EPB41L4B: variants seen among roughly 807,000 people sequenced by gnomAD.
The protein encoded by EPB41L4B is band 4.1-like protein 4B.
A neutral mutation model predicts 112.5 loss-of-function variants in EPB41L4B; 30 were observed. That is an observed-to-expected ratio of 0.27 (90% CI 0.20 to 0.36). The LOEUF is 0.36. Ranked by LOEUF, EPB41L4B falls within the 10% of genes least tolerant of loss-of-function variation. EPB41L4B has a pLI of 1.00. For missense variants in EPB41L4B, 1,024 were observed against 1,133.3 expected (o/e 0.90, Z 1.38); for synonymous variants, 408 against 439.7 (o/e 0.93, Z 0.90).
chr9:109,212,080 G>A (rs1013185175), intron 17 of EPB41L4B, among the ~76,000 whole-genome samples: 1 of 152,034 alleles, frequency 6.6e-6, no homozygotes, highest in Admixed American at 6.6e-5. Flanking sequence ...GGAAATGCTC[G>A]ATAACCCACA....
chr9:109,188,482 A>G (rs1447573433), intron 22 of EPB41L4B, among the ~76,000 whole-genome samples: 1 of 152,176 alleles, frequency 6.6e-6, no homozygotes, highest in African/African-American at 2.4e-5. Flanking sequence ...GCCACGAAAG[A>G]ACCAAAGAGA....
chr9:109,315,710 CA>C, intron 1 of EPB41L4B, among the ~76,000 whole-genome samples: 1 of 152,252 alleles, frequency 6.6e-6, no homozygotes, highest in South Asian at 2.1e-4. Context: ...CCTTCAACTC[CA>C]AAATAAGCCA....
rs755914520 is a variant in EPB41L4B at position 109,192,214 on chromosome 9, T to G, written c.2301+64A>C. On this transcript the variant is annotated intron_variant, in intron 22 of 25. Transcript: ENST00000374566. Reference sequence around the variant, plus strand: ...AGCAATGCCCACCTCTGTCCATCCGTCCCACTGCCAAGATGTTTCTATGGT... The same window carrying G: ...AGCAATGCCCACCTCTGTCCATCCGGCCCACTGCCAAGATGTTTCTATGGT... The G allele has an allele frequency of 3.8e-6, 5 of 1,319,452 alleles. No individual in the cohort carries two copies. The East Asian group carries it at 1.2e-4, about 31-fold the overall frequency. The allele number at this position is 1,319,452 out of a possible 1,614,324, so 81.7% of individuals were successfully genotyped here.
intron 3 of EPB41L4B, 93 bp downstream of exon 3, chr9:109,268,298 A>C: frequency 8.6e-7 from 1 of 1,160,070 alleles, no homozygotes; most frequent in Non-Finnish European, 1.2e-6. Context: ...AATGCTTCCA[A>C]GTTCTAATGA....
At chr9:109,255,207 T>C (rs895639444) in intron 11 of EPB41L4B, among the ~76,000 whole-genome samples, 1 of 152,222 alleles carries the variant, frequency 6.6e-6, no homozygotes, top group Non-Finnish European at 1.5e-5. Flanking sequence ...TACTGAAGAA[T>C]TACATTGTAA....
intron 1 of EPB41L4B, among the ~76,000 whole-genome samples, chr9:109,284,394 C>T (rs1836189151): frequency 6.6e-6 from 1 of 152,150 alleles, no homozygotes; most frequent in African/African-American, 2.4e-5. Flanking sequence ...CATAGAGAAA[C>T]CGCGGATGGC....
chr9:109,264,381 A>G (rs1181881988), intron 5 of EPB41L4B, among the ~76,000 whole-genome samples: 2 of 152,214 alleles, frequency 1.3e-5, no homozygotes, highest in Admixed American at 6.5e-5. Context: ...AAAATGACAC[A>G]GTTATAAGAG....
intron 5 of EPB41L4B, among the ~76,000 whole-genome samples, chr9:109,263,956 C>T (rs989733177): frequency 1.6e-4 from 25 of 151,898 alleles, no homozygotes; most frequent in African/African-American, 6.0e-4. Context: ...CAAGGTGTTG[C>T]CATTAATATT....
intron 16 of EPB41L4B, among the ~76,000 whole-genome samples, chr9:109,214,811 C>T (rs1359357485): frequency 2.0e-5 from 3 of 152,110 alleles, no homozygotes; most frequent in Non-Finnish European, 4.4e-5. Context: ...AGGACTTTAT[C>T]CCAGACAGTG....
Position 109,172,290 on chromosome 9 carries a change from G to T in EPB41L4B, c.*2264C>A, listed in dbSNP as rs1831658418. ...GGAGGTTTCCATCAGCGAGCAGGAG[G>T]TGAAGAGCAGAAGCCTCAGAAAGCA... On this transcript the variant is annotated 3_prime_UTR_variant, in exon 26 of 26. Transcript: ENST00000374566. The T allele has an allele frequency of 1.3e-5, 2 of 152,246 alleles. No individual in the cohort carries two copies. Among genetic ancestry groups the T allele is most frequent in the South Asian group, 4.1e-4 (2 of 4,830 alleles). 9.4% of individuals were successfully genotyped at this position (152,246 alleles called of 1,614,324 possible).
intron 2 of EPB41L4B, among the ~76,000 whole-genome samples, chr9:109,278,741 T>C (rs1835928704): frequency 6.6e-6 from 1 of 152,196 alleles, no homozygotes; most frequent in South Asian, 2.1e-4. Context: ...GACATATCTA[T>C]GTGCACTGCT....
chr9:109,185,890 C>T (rs1460582584), intron 22 of EPB41L4B, among the ~76,000 whole-genome samples: 5 of 150,252 alleles, frequency 3.3e-5, no homozygotes, highest in Non-Finnish European at 5.9e-5. Flanking sequence ...ACCCCATTCC[C>T]AGGCCTGGTA....
intron 17 of EPB41L4B, among the ~76,000 whole-genome samples, chr9:109,212,600 T>C (rs1228076815): frequency 2.0e-5 from 3 of 152,112 alleles, no homozygotes; most frequent in African/African-American, 7.2e-5. Flanking sequence ...GGGCAGGAGG[T>C]GTAACCTTCC....
chr9:109,288,782 T>C (rs1416879574), intron 1 of EPB41L4B, among the ~76,000 whole-genome samples: 1 of 131,086 alleles, frequency 7.6e-6, no homozygotes, highest in African/African-American at 2.9e-5. Flanking sequence ...ATGCCTGTAG[T>C]CCCAACTACT....
At chr9:109,305,163 G>A (rs992986334) in intron 1 of EPB41L4B, among the ~76,000 whole-genome samples, 2 of 151,022 alleles carry the variant, frequency 1.3e-5, no homozygotes, top group Admixed American at 1.3e-4. Context: ...CTCCTAGGAG[G>A]AGAGGGAATG....
At chr9:109,174,699 C>A (rs2118559204) in intron 25 of EPB41L4B, 76 bp from the exon 26 acceptor site, 1 of 1,257,686 alleles carries the variant, frequency 8.0e-7, no homozygotes. Flanking sequence ...AGTATCATCT[C>A]CCAGGTTCTT....
intron 1 of EPB41L4B, chr9:109,307,086 G>A (rs78810000): frequency 5.2e-6 from 1 of 192,024 alleles, no homozygotes; most frequent in Non-Finnish European, 1.1e-5. Context: ...GTCAGTAAAT[G>A]GATGCAACTG....
At chr9:109,294,102 C>G (rs1190051355) in intron 1 of EPB41L4B, among the ~76,000 whole-genome samples, 1 of 151,088 alleles carries the variant, frequency 6.6e-6, no homozygotes, top group African/African-American at 2.4e-5. Flanking sequence ...GTCAGGAGAT[C>G]GAGACCATCC....
chr9:109,192,039 G>C (rs1355380677), intron 22 of EPB41L4B, among the ~76,000 whole-genome samples: 1 of 152,158 alleles, frequency 6.6e-6, no homozygotes, highest in Non-Finnish European at 1.5e-5. Flanking sequence ...CAGTAGACAG[G>C]CATGGGCAGG....
Sources: gnomAD v4.1 joint callset for allele counts (sites outside exome capture counted in the v4.1 genomes callset) on GRCh38, gnomAD v4.1.1 for gene constraint, MANE v1.5 for transcripts, NCBI Gene and HGNC (gene_info 2026-07-23, HGNC 2026-07-21) for gene names.